The following VAV2 variants were observed in gnomAD, a reference collection of about 807,000 sequenced individuals.
VAV2 encodes the protein vav guanine nucleotide exchange factor 2, also known as guanine nucleotide exchange factor VAV2.
VAV2 carries 67 observed loss-of-function variants against 132.5 expected under a neutral mutation model. That is an observed-to-expected ratio of 0.51 (90% CI 0.42 to 0.62). The LOEUF (loss-of-function observed/expected upper bound fraction) is 0.62. Among genes scored for constraint, VAV2 ranks in the 20% least tolerant of loss-of-function variants. The probability of loss-of-function intolerance (pLI) is 0.00; values close to 1 mark genes in which losing one functional copy is unlikely to be tolerated. For missense variants in VAV2, 938 were observed against 1,153.6 expected (o/e 0.81, Z 2.71); for synonymous variants, 492 against 443.5 (o/e 1.11, Z -1.37).
At chr9:133,825,378 A>C (rs2486341) in intron 4 of VAV2, among the ~76,000 whole-genome samples, 11,286 of 152,194 alleles carry the variant, frequency 0.074, 1,141 homozygotes, top group African/African-American at 0.23. Flanking sequence ...GGCCTCCTTC[A>C]GACCAGGGCA....
At position 133,780,653 on chromosome 9, in the gene VAV2, G is replaced by A. The variant is rs748748168; in HGVS notation, c.1740+41C>T. On this transcript the variant is annotated intron_variant, in intron 20 of 29. Transcript: ENST00000371850. Reference sequence around the variant, plus strand: ...GGCTCTGCGCACACAGGGATGTGGCGGGGGTGGGGCAGAGGGAGGGGAAAC... The same window carrying A: ...GGCTCTGCGCACACAGGGATGTGGCAGGGGTGGGGCAGAGGGAGGGGAAAC... 13 of 1,294,564 alleles carry A rather than the reference G, an allele frequency of 1.0e-5. No homozygotes were observed. In the East Asian group the frequency reaches 2.2e-4, roughly 22 times the overall value. The allele number at this position is 1,294,564 out of a possible 1,614,324, so 80.2% of individuals were successfully genotyped here. A position where few individuals can be genotyped will look rare whatever the true frequency, so the allele number is the denominator to read the frequency against.
At chr9:133,786,613 C>T (rs1444043215) in intron 16 of VAV2, among the ~76,000 whole-genome samples, 1 of 152,252 alleles carries the variant, frequency 6.6e-6, no homozygotes, top group African/African-American at 2.4e-5. Flanking sequence ...TGAAGTAGAA[C>T]AGTAACAACA....
chr9:133,873,075 T>A (rs1838122959), intron 2 of VAV2, among the ~76,000 whole-genome samples: 1 of 120,130 alleles, frequency 8.3e-6, no homozygotes, highest in Admixed American at 1.1e-4. Context: ...CTTGAGCCAC[T>A]GCACTCCAGC....
chr9:133,877,868 C>A (rs917889976), intron 2 of VAV2, among the ~76,000 whole-genome samples: 1 of 152,188 alleles, frequency 6.6e-6, no homozygotes, highest in Admixed American at 6.5e-5. Context: ...ATCTCTGAAG[C>A]GATGACTTAG....
rs1043644160 is a variant in VAV2 at position 133,912,844 on chromosome 9, C to T, written c.321+26259G>A. Among the ~76,000 whole-genome samples the T allele has an allele frequency of 2.6e-5, 4 of 152,316 alleles. No homozygotes were observed. The highest frequency in any genetic ancestry group is 2.6e-4 in the Admixed American group (4 of 15,296). ...TCTAAAATCAGAGTCGTCCTGTGAG[C>T]CAGTGACCACTCGTCCCAAACATAG... On this transcript the variant is annotated intron_variant, in intron 2 of 29. Coordinates refer to ENST00000371850, the MANE Select transcript of VAV2 (RefSeq NM_001134398.2). The surrounding 1 kb of genome is among the most constrained non-coding windows in gnomAD (Gnocchi z 4.3).
intron 4 of VAV2, among the ~76,000 whole-genome samples, chr9:133,816,268 C>T (rs910320321): frequency 6.6e-5 from 10 of 152,202 alleles, no homozygotes; most frequent in African/African-American, 2.4e-4. Flanking sequence ...CAGTCTCTAG[C>T]TTGGCTATTC....
chr9:133,900,092 G>A (rs796913797), intron 2 of VAV2, among the ~76,000 whole-genome samples: 6 of 151,866 alleles, frequency 4.0e-5, no homozygotes, highest in African/African-American at 1.2e-4. Context: ...CCAGCTACTC[G>A]GGAGGCGAAG....
In VAV2 at chr9:133,804,344, G is replaced by C. The variant is rs1471740033; in HGVS notation, c.836+1737C>G. Among the ~76,000 whole-genome samples the C allele has an allele frequency of 1.3e-5, 2 of 152,234 alleles. No individual in the cohort carries two copies. The highest frequency in any genetic ancestry group is 1.3e-4 in the Admixed American group (2 of 15,280). On this transcript the variant is annotated intron_variant, in intron 9 of 29. Transcript: ENST00000371850. This position sits in a 1 kb window ranked among gnomAD's most constrained non-coding sequence, Gnocchi z 4.5. ...ACGCCTCGCTGCCAGGGACGGAGCT[G>C]CCCGTCCACAGAGCTCTTGGGCTGG... is the stretch of plus-strand genomic sequence containing the variant.
intron 4 of VAV2, among the ~76,000 whole-genome samples, chr9:133,813,888 T>G (rs981261169): frequency 6.6e-6 from 1 of 152,216 alleles, no homozygotes; most frequent in African/African-American, 2.4e-5. Flanking sequence ...CTCTTGGGCC[T>G]CACAGAATCC....
intron 1 of VAV2, among the ~76,000 whole-genome samples, chr9:133,947,474 T>C (rs1588154637): frequency 6.6e-6 from 1 of 151,906 alleles, no homozygotes; most frequent in African/African-American, 2.4e-5. Flanking sequence ...CCAAGGCGGG[T>C]GGATCACCTG....
chr9:133,779,863 C>T (rs1833944124), intron 21 of VAV2, 55 bp downstream of exon 21: 11 of 1,597,464 alleles, frequency 6.9e-6, no homozygotes, highest in Non-Finnish European at 8.5e-6. Context: ...TGGCTCAGCT[C>T]CCAGGTGATG....
intron 2 of VAV2, among the ~76,000 whole-genome samples, chr9:133,936,491 C>T (rs1031961985): frequency 6.6e-6 from 1 of 152,180 alleles, no homozygotes; most frequent in Non-Finnish European, 1.5e-5. Context: ...GATCCGCCCA[C>T]CTCAGCCTTC....
chr9:133,871,747 A>C (rs148429636), intron 2 of VAV2, among the ~76,000 whole-genome samples: 1 of 152,240 alleles, frequency 6.6e-6, no homozygotes, highest in African/African-American at 2.4e-5. Flanking sequence ...AGAAAACCCA[A>C]GTTCAGAGAG....
intron 3 of VAV2, among the ~76,000 whole-genome samples, chr9:133,853,701 T>C (rs1029819635): frequency 6.6e-6 from 1 of 152,034 alleles, no homozygotes; most frequent in Admixed American, 6.5e-5. Flanking sequence ...AGCATTGGCA[T>C]CCCTAAACCA....
intron 3 of VAV2, among the ~76,000 whole-genome samples, chr9:133,852,645 C>A (rs1042280151): frequency 6.6e-6 from 1 of 152,290 alleles, no homozygotes; most frequent in Non-Finnish European, 1.5e-5. Flanking sequence ...CTGTTCACGC[C>A]CCCCTGCCAG....
intron 1 of VAV2, among the ~76,000 whole-genome samples, chr9:133,962,826 C>A (rs1052462672): frequency 5.3e-5 from 8 of 152,154 alleles, no homozygotes; most frequent in Non-Finnish European, 1.2e-4. Context: ...TTAAGAGTAT[C>A]TTTTCTGCTT....
intron 1 of VAV2, among the ~76,000 whole-genome samples, chr9:133,972,524 T>C (rs966498357): frequency 2.6e-5 from 4 of 152,164 alleles, no homozygotes; most frequent in African/African-American, 4.8e-5. Flanking sequence ...CGCAGACACA[T>C]GTAGCCGAGG....
At chr9:133,842,113 C>T (rs2428119) in intron 3 of VAV2, among the ~76,000 whole-genome samples, 1 of 152,206 alleles carries the variant, frequency 6.6e-6, no homozygotes, top group Admixed American at 6.5e-5. Flanking sequence ...GTACAGAAAT[C>T]AGTGCTTGGC....
At chr9:133,881,823 G>A (rs576196683) in intron 2 of VAV2, among the ~76,000 whole-genome samples, 64 of 152,328 alleles carry the variant, frequency 4.2e-4, no homozygotes, top group African/African-American at 1.1e-3. Context: ...GTGTGGGGGC[G>A]GAAGAGTTCA....
Sources: allele counts gnomAD v4.1 joint callset (sites outside exome capture counted in the v4.1 genomes callset), GRCh38; gene constraint gnomAD v4.1.1; non-coding constraint Gnocchi (gnomAD v3.1); transcripts MANE v1.5; gene names NCBI Gene and HGNC (gene_info 2026-07-23, HGNC 2026-07-21).